ANKAR: variants seen among roughly 807,000 people sequenced by gnomAD.
The protein encoded by ANKAR is ankyrin and armadillo repeat-containing protein.
ANKAR carries 136 observed loss-of-function variants against 146.2 expected under a neutral mutation model. That is an observed-to-expected ratio of 0.93 (90% confidence interval 0.81 to 1.07). The LOEUF (loss-of-function observed/expected upper bound fraction) is 1.07. ANKAR is among the 50% of genes least tolerant of loss of function. The pLI, the probability that ANKAR is intolerant of heterozygous loss-of-function variation, is 0.00. For missense variants in ANKAR, 1,567 were observed against 1,679.9 expected (o/e 0.93, Z 1.18); for synonymous variants, 500 against 575.8 (o/e 0.87, Z 1.88).
intron 7 of ANKAR, among the ~76,000 whole-genome samples, chr2:189,702,265 G>A (rs1221097476): frequency 6.6e-6 from 1 of 152,134 alleles, no homozygotes; most frequent in Non-Finnish European, 1.5e-5. Context: ...CCCTCCCCCT[G>A]CTGGAAGTAT....
At chr2:189,696,488 G>T in intron 7 of ANKAR, 119 bp downstream of exon 7, 1 of 916,908 alleles carries the variant, frequency 1.1e-6, no homozygotes, top group South Asian at 1.9e-5. Context: ...CAAAGTTGAG[G>T]TTTTTGTTTC....
chr2:189,689,555 C>T lies in ANKAR; in HGVS notation c.630C>T (p.Asp210=). The T allele has an allele frequency of 6.2e-7, 1 of 1,600,578 alleles. No homozygotes were observed. The highest frequency in any genetic ancestry group is 8.5e-7 in the Non-Finnish European group (1 of 1,174,740). The change falls in exon 3 of 23, where the codon GAC becomes GAT. Residue 210 remains aspartate (D), a synonymous_variant. Coordinates refer to ENST00000684021, the MANE Select transcript of ANKAR (RefSeq NM_001378068.1). ...AGLTDITKDP[D]FNEIYDEDVN... is the part of the protein sequence containing the mutation. The stretch of plus-strand genomic sequence containing the variant: ...TGACTGATATTACAAAGGATCCAGA[C>T]TTTAATGAAATCTATGATGAAGACG...
chr2:189,739,219 A>G (rs2043118423), intron 19 of ANKAR, among the ~76,000 whole-genome samples: 1 of 152,246 alleles, frequency 6.6e-6, no homozygotes, highest in Non-Finnish European at 1.5e-5. Flanking sequence ...ATAGGTGATC[A>G]GTAATATTTA....
rs970134233 is a variant in ANKAR, at chr2:189,676,563, T to A, written c.73T>A (p.Leu25Ile). The change falls in exon 2 of 23, where the codon TTA (leucine) becomes ATA (isoleucine). Residue 25 changes from leucine (L) to isoleucine (I), a missense_variant. Coordinates refer to ENST00000684021, the MANE Select transcript of ANKAR (RefSeq NM_001378068.1). Reference protein sequence around the residue: ...VQDEDTYLENLAIQRNASAFF... With the variant: ...VQDEDTYLENIAIQRNASAFF... ...GGATGAAGACACCTACCTGGAAAAT[T>A]TAGCAATACAAAGAAATGCATCTGC... The A allele has an allele frequency of 6.2e-7, 1 of 1,607,872 alleles. No individual in the cohort carries two copies.
intron 7 of ANKAR, among the ~76,000 whole-genome samples, chr2:189,700,232 G>T (rs559010661): frequency 6.6e-6 from 1 of 152,028 alleles, no homozygotes; most frequent in East Asian, 1.9e-4. Flanking sequence ...AATCTTACAG[G>T]TTACAGAATT....
At chr2:189,743,547 C>T in intron 21 of ANKAR, 73 bp downstream of exon 21, 1 of 1,324,550 alleles carries the variant, frequency 7.5e-7, no homozygotes, top group Non-Finnish European at 1.1e-6. Flanking sequence ...TTAGTAAGAT[C>T]CAACAAGAGG....
At chr2:189,676,407 T>C (rs2033683228) in intron 1 of ANKAR, 49 bp from the exon 2 acceptor site, 1 of 1,404,568 alleles carries the variant, frequency 7.1e-7, no homozygotes, top group Non-Finnish European at 9.4e-7. Flanking sequence ...TCCAGTTTCA[T>C]TGGCATGTCA....
chr2:189,761,654 A>G (rs1448072632), downstream of ANKAR: 7 of 1,532,006 alleles, frequency 4.6e-6, no homozygotes, highest in Non-Finnish European at 5.2e-6. Context: ...TACTCTATAG[A>G]TAATTCCTGA....
At chr2:189,678,528 G>C (rs780764964) in intron 2 of ANKAR, among the ~76,000 whole-genome samples, 2 of 152,096 alleles carry the variant, frequency 1.3e-5, no homozygotes, top group African/African-American at 4.8e-5. Flanking sequence ...TGTCTAGAAG[G>C]GTTTGTCCGA....
At position 189,738,634 on chromosome 2, in the gene ANKAR, T is replaced by G; in HGVS notation, c.3652T>G (p.Leu1218Val). ...TTTGTCTGCAAGAGGTGTTACTATT[T>G]TAGTTGATAGTCTGTATTCAGTTCA... ...ITLSARGVTI[L>V]VDSLYSVQTS... is the part of the protein sequence containing the mutation. Residue 1218 changes from leucine to valine, a missense_variant, in exon 19 of 23, where the codon TTA becomes GTA. Physicochemically the swap from Leu to Val is conservative, Grantham distance 32 (BLOSUM62 1). Coordinates refer to ENST00000684021, the MANE Select transcript of ANKAR (RefSeq NM_001378068.1). The G allele has an allele frequency of 6.2e-7, 1 of 1,612,582 alleles. No homozygotes were observed. The highest frequency in any genetic ancestry group is 1.7e-5 in the Admixed American group (1 of 59,976).
At position 189,746,609 on chromosome 2, in the gene ANKAR, A is replaced by G. The variant is rs1399356180; in HGVS notation, c.4287A>G (p.Pro1429=). Residue 1429 remains proline, a synonymous_variant, in exon 23 of 23, where the codon CCA becomes CCG. Transcript: ENST00000684021. The part of the protein sequence containing the change: ...QLGKHVQKAN[P]EPAEG The stretch of plus-strand genomic sequence containing the variant: ...GGAAACATGTCCAGAAAGCCAACCC[A>G]GAGCCTGCAGAAGGCTAATAAAACA... 1.2e-6 allele frequency: 2 copies of G among 1,603,404 alleles called. No homozygotes were observed. Among genetic ancestry groups the G allele is most frequent in the Admixed American group, 1.7e-5 (1 of 57,610 alleles).
rs201435712 is a variant in ANKAR, at chr2:189,720,804, G to C, written c.2635+17G>C. 6.9e-7 allele frequency: 1 copy of C among 1,439,982 alleles called. No individual in the cohort carries two copies. The highest frequency in any genetic ancestry group is 9.1e-7 in the Non-Finnish European group (1 of 1,096,294). 89.2% of individuals were successfully genotyped at this position (1,439,982 alleles called of 1,614,324 possible). A position where few individuals can be genotyped will look rare whatever the true frequency, so the allele number is the denominator to read the frequency against. ...CTGATTCAGGTGAGCTTCTATCTCT[G>C]TATTATTTTATAATGACCAGATATA... On this transcript the variant is annotated intron_variant, in intron 12 of 22. Coordinates refer to ENST00000684021, the MANE Select transcript of ANKAR (RefSeq NM_001378068.1).
At chr2:189,742,905 GACACACACACACACACACACACACAC>G (rs397987025) in intron 20 of ANKAR, among the ~76,000 whole-genome samples, 476 of 33,500 alleles carry the variant, frequency 0.014, 2 homozygotes, top group Non-Finnish European at 0.019. Flanking sequence ...AGAATTACCT[GACACACACACACACACACACACACAC>G]ACACACACAC....
chr2:189,691,668 A>G (rs1252746108), intron 3 of ANKAR, among the ~76,000 whole-genome samples: 3 of 149,682 alleles, frequency 2.0e-5, no homozygotes, highest in South Asian at 4.2e-4. Flanking sequence ...CTCAAAATAT[A>G]AATATATTGT....
chr2:189,762,582 C>G, downstream of ANKAR: 1 of 985,466 alleles, frequency 1.0e-6, no homozygotes, highest in Non-Finnish European at 1.2e-6. Flanking sequence ...TTGGGTAGCG[C>G]TGGTCTCCTG....
chr2:189,737,023 A>G (rs1339177982), intron 17 of ANKAR, among the ~76,000 whole-genome samples: 1 of 151,674 alleles, frequency 6.6e-6, no homozygotes, highest in East Asian at 1.9e-4. Context: ...GCAGTGAGCC[A>G]AGATCACGCC....
Position 189,730,476 on chromosome 2 carries a change from C to T in ANKAR, c.3194-19C>T, listed in dbSNP as rs1340943070. 1 of 1,451,960 alleles carries T rather than the reference C, an allele frequency of 6.9e-7. No homozygotes were observed. Among genetic ancestry groups the T allele is most frequent in the Non-Finnish European group, 9.4e-7 (1 of 1,059,130 alleles). 89.9% of individuals were successfully genotyped at this position (1,451,960 alleles called of 1,614,324 possible). Reference sequence around the variant, plus strand: ...TAAGATGGAAAAAAATATTACCTCACTGGCGTGGACTCTTACAGGTGTAGC... The same window carrying T: ...TAAGATGGAAAAAAATATTACCTCATTGGCGTGGACTCTTACAGGTGTAGC... On this transcript the variant is annotated intron_variant, in intron 15 of 22. Coordinates refer to ENST00000684021, the MANE Select transcript of ANKAR (RefSeq NM_001378068.1).
In ANKAR at chr2:189,696,351, T is replaced by C. The variant is rs2105572894; in HGVS notation, c.1690T>C (p.Phe564Leu). 1 of 1,613,644 alleles carries C rather than the reference T, an allele frequency of 6.2e-7. No homozygotes were observed. The highest frequency in any genetic ancestry group is 8.5e-7 in the Non-Finnish European group (1 of 1,179,878). Residue 564 changes from phenylalanine to leucine, a missense_variant, in exon 7 of 23, where the codon TTT (phenylalanine) becomes CTT (leucine). Phe to Leu is a conservative substitution (Grantham distance 22). Transcript: ENST00000684021. Reference sequence around the variant, plus strand: ...TAACTTCAAGGTCAACCAGAGGCGCTTTGTTACGTTCAGCCAAGGTACCAT... The same window carrying C: ...TAACTTCAAGGTCAACCAGAGGCGCCTTGTTACGTTCAGCCAAGGTACCAT... ...NANFKVNQRR[F>L]VTFSQGPTPL...
chr2:189,677,288 T>C (rs928219551), intron 2 of ANKAR, among the ~76,000 whole-genome samples, 197 bp downstream of exon 2: 2 of 152,096 alleles, frequency 1.3e-5, no homozygotes, highest in Non-Finnish European at 2.9e-5. Flanking sequence ...ATTTTTAAAA[T>C]TTTTAAATTT....
Sources: allele counts gnomAD v4.1 joint callset (sites outside exome capture counted in the v4.1 genomes callset), GRCh38; gene constraint gnomAD v4.1.1; transcripts MANE v1.5; gene names NCBI Gene and HGNC (gene_info 2026-07-23, HGNC 2026-07-21).